The following AFF3 variants were observed in gnomAD, a reference collection of about 807,000 sequenced individuals.
AFF3 encodes ALF transcription elongation factor 3, also known as AF4/FMR2 family member 3.
In AFF3, 32 loss-of-function variants were observed where a neutral mutation model predicts 129.7. That is an observed-to-expected ratio of 0.25 (90% CI 0.19 to 0.33). AFF3 has a LOEUF of 0.33. AFF3 is among the 10% of genes least tolerant of loss of function. The pLI is 1.00. For missense variants in AFF3, 1,373 were observed against 1,592.0 expected (o/e 0.86, Z 2.34); for synonymous variants, 644 against 635.4 (o/e 1.01, Z -0.20).
intron 4 of AFF3, among the ~76,000 whole-genome samples, chr2:100,063,159 G>C (rs181367593): frequency 2.0e-5 from 3 of 149,172 alleles, no homozygotes. Context: ...GCTGAGGCAG[G>C]AGAATCACTT....
chr2:99,592,708 C>T (rs1368162694), intron 15 of AFF3, among the ~76,000 whole-genome samples: 1 of 152,060 alleles, frequency 6.6e-6, no homozygotes, highest in Non-Finnish European at 1.5e-5. Context: ...CTGAGGCAGG[C>T]AGATCACTTG....
At chr2:100,112,000 A>T (rs1008749300) in intron 2 of AFF3, among the ~76,000 whole-genome samples, 1 of 152,174 alleles carries the variant, frequency 6.6e-6, no homozygotes, top group Non-Finnish European at 1.5e-5. Context: ...CCTTATATTT[A>T]TGGATCCCAA....
chr2:99,885,251 T>C (rs1391781792), intron 7 of AFF3, among the ~76,000 whole-genome samples: 1 of 152,190 alleles, frequency 6.6e-6, no homozygotes, highest in Non-Finnish European at 1.5e-5. Context: ...TGATTCAAAT[T>C]CATCCACTTT....
At chr2:100,086,279 T>C (rs1689422851) in intron 4 of AFF3, among the ~76,000 whole-genome samples, 1 of 152,194 alleles carries the variant, frequency 6.6e-6, no homozygotes, top group African/African-American at 2.4e-5. Context: ...TCCCAGCACT[T>C]TGGGAGGCCG....
At position 99,721,399 on chromosome 2, in the gene AFF3, C is replaced by T. The variant is rs553015738; in HGVS notation, c.1091+5678G>A. ...CAAAAATTAGCTGGGCATGGTGGCACGCACCTGTAGTCCCAGCTACTCAGG... is the reference window on the plus strand; with the variant it reads ...CAAAAATTAGCTGGGCATGGTGGCATGCACCTGTAGTCCCAGCTACTCAGG... On this transcript the variant is annotated intron_variant, in intron 11 of 24. Transcript: ENST00000672756. Among the ~76,000 whole-genome samples, 39 of 151,964 alleles carry T rather than the reference C, an allele frequency of 2.6e-4. No individual in the cohort carries two copies. The South Asian group carries it at 6.9e-3, about 27-fold the overall frequency.
chr2:99,874,155 C>T (rs899599057), intron 7 of AFF3, among the ~76,000 whole-genome samples: 6 of 152,124 alleles, frequency 3.9e-5, no homozygotes, highest in South Asian at 4.1e-4. Context: ...CCAGCCTGGG[C>T]GATAGAGCTA....
At chr2:100,022,740 C>A (rs7594938) in intron 4 of AFF3, among the ~76,000 whole-genome samples, 20,877 of 152,166 alleles carry the variant, frequency 0.14, 1,678 homozygotes, top group South Asian at 0.2. Flanking sequence ...CCCATATACA[C>A]CCACATACAA....
intron 14 of AFF3, among the ~76,000 whole-genome samples, chr2:99,600,399 G>A (rs890832552): frequency 3.9e-5 from 6 of 152,202 alleles, no homozygotes; most frequent in Admixed American, 1.3e-4. Flanking sequence ...GAGCCACTCT[G>A]TGAACCTGAG....
intron 7 of AFF3, among the ~76,000 whole-genome samples, chr2:99,959,231 G>A (rs1163636212): frequency 6.7e-6 from 1 of 149,788 alleles, no homozygotes; most frequent in Non-Finnish European, 1.5e-5. Flanking sequence ...TAAGTAGTTT[G>A]AATCCTAATA....
intron 4 of AFF3, chr2:100,011,618 G>A (rs1310849702): frequency 2.6e-6 from 2 of 779,418 alleles, no homozygotes; most frequent in Non-Finnish European, 4.8e-6. Context: ...CTTTAAACCT[G>A]ATTAGCCTTG....
At chr2:100,113,047 A>T (rs1691580786) in intron 2 of AFF3, among the ~76,000 whole-genome samples, 2 of 152,210 alleles carry the variant, frequency 1.3e-5, no homozygotes. Context: ...GTCAGCCCAA[A>T]TCCCCATGCT....
intron 13 of AFF3, among the ~76,000 whole-genome samples, chr2:99,614,036 G>C (rs568373225): frequency 1.3e-5 from 2 of 152,136 alleles, no homozygotes; most frequent in African/African-American, 4.8e-5. Flanking sequence ...GCTTCAGCCC[G>C]GGGCAGGAAC....
Position 99,593,499 on chromosome 2 carries a change from G to T in AFF3, c.2162C>A (p.Ala721Asp). The part of the protein sequence containing the change: ...AAANGGSGPR[A>D]PVGSINARTT... ...CCTGGCGTTGATGGAGCCTACAGGG[G>T]CCCTAGGACCACTGCCCCCGTTGGC... Residue 721 changes from alanine to aspartate, a missense_variant, in exon 15 of 25, where the codon GCC becomes GAC. Ala to Asp is a moderately radical substitution (Grantham distance 126, BLOSUM62 -2). Around this residue, in one of 9 missense-constraint regions of AFF3, gnomAD observed 466 missense variants for 505.0 expected, o/e 0.92. Transcript: ENST00000672756. 1 of 1,613,496 alleles carries T rather than the reference G, an allele frequency of 6.2e-7. No homozygotes were observed. The highest frequency in any genetic ancestry group is 8.5e-7 in the Non-Finnish European group (1 of 1,179,870).
At chr2:100,011,593 C>G (rs770272329) in intron 4 of AFF3, 1 of 780,662 alleles carries the variant, frequency 1.3e-6, no homozygotes, top group Non-Finnish European at 2.4e-6. Context: ...ATAAACACCA[C>G]AAGAAGCTGA....
intron 7 of AFF3, among the ~76,000 whole-genome samples, chr2:100,002,556 G>C (rs980281378): frequency 1.3e-5 from 2 of 152,114 alleles, no homozygotes; most frequent in African/African-American, 4.8e-5. Context: ...TGTTCTTATA[G>C]ATGAATTATC....
intron 15 of AFF3, among the ~76,000 whole-genome samples, chr2:99,588,821 C>A (rs1038114726): frequency 3.3e-5 from 5 of 152,186 alleles, no homozygotes; most frequent in Non-Finnish European, 5.9e-5. Flanking sequence ...CCATCTCCAG[C>A]ACCCAGTACT....
chr2:99,554,280 G>T (rs772809824), intron 24 of AFF3, 31 bp downstream of exon 24: 2 of 1,610,036 alleles, frequency 1.2e-6, no homozygotes, highest in East Asian at 4.5e-5. Context: ...GGAGGCGGAA[G>T]CCCCTGGTTC....
chr2:100,040,786 T>C (rs995058401), intron 4 of AFF3, among the ~76,000 whole-genome samples: 11 of 152,226 alleles, frequency 7.2e-5, no homozygotes, highest in African/African-American at 1.4e-4. Context: ...AGCGTTGTTT[T>C]AGACTGGCTG....
intron 2 of AFF3, among the ~76,000 whole-genome samples, chr2:100,115,550 G>A (rs1169669405): frequency 1.3e-5 from 2 of 152,020 alleles, no homozygotes; most frequent in East Asian, 3.8e-4. Context: ...AGAGGGAGAC[G>A]CTGTCTCAAA....
Sources: allele counts gnomAD v4.1 joint callset (sites outside exome capture counted in the v4.1 genomes callset), GRCh38; gene constraint gnomAD v4.1.1; regional missense constraint gnomAD v4.1.1; transcripts MANE v1.5; gene names NCBI Gene and HGNC (gene_info 2026-07-23, HGNC 2026-07-21).